MPPED2: variants seen among roughly 807,000 people sequenced by gnomAD.
MPPED2 encodes metallophosphoesterase MPPED2.
MPPED2 carries 5 observed loss-of-function variants against 33.0 expected under a neutral mutation model. That is an observed-to-expected ratio of 0.15 (90% confidence interval 0.08 to 0.32). The LOEUF (loss-of-function observed/expected upper bound fraction) is 0.32, where lower values mean the gene tolerates loss of function less well. Ranked by LOEUF, MPPED2 falls within the 10% of genes least tolerant of loss-of-function variation. MPPED2 has a pLI of 1.00. For synonymous variants in MPPED2, 136 were observed against 141.9 expected, an observed-to-expected ratio of 0.96 and a Z score of 0.29; for missense variants, 275 against 372.1, an observed-to-expected ratio of 0.74 and a Z score of 2.15.
chr11:30,420,288 A>C (rs968237588), intron 4 of MPPED2, among the ~76,000 whole-genome samples: 2 of 152,192 alleles, frequency 1.3e-5, no homozygotes, highest in Non-Finnish European at 2.9e-5. Context: ...TGAACACAGA[A>C]GAAGGAGACT....
At chr11:30,513,461 A>G (rs1470763839) in intron 3 of MPPED2, among the ~76,000 whole-genome samples, 1 of 152,232 alleles carries the variant, frequency 6.6e-6, no homozygotes, top group African/African-American at 2.4e-5. Context: ...GTGACAGATA[A>G]TTAGCTTGAA....
chr11:30,488,501 A>G (rs1951835513), intron 4 of MPPED2, among the ~76,000 whole-genome samples: 2 of 152,248 alleles, frequency 1.3e-5, no homozygotes, highest in African/African-American at 4.8e-5. Context: ...CAGAGCTGGC[A>G]GAAAGGGACG....
chr11:30,433,599 A>G (rs1393646316), intron 4 of MPPED2, among the ~76,000 whole-genome samples: 1 of 152,170 alleles, frequency 6.6e-6, no homozygotes, highest in Admixed American at 6.5e-5. Flanking sequence ...TTTAGGAAAC[A>G]TTATCCAAAG....
intron 3 of MPPED2, among the ~76,000 whole-genome samples, chr11:30,507,726 G>T (rs949194502): frequency 1.3e-5 from 2 of 152,132 alleles, no homozygotes; most frequent in Non-Finnish European, 2.9e-5. Flanking sequence ...TTCCTGGGGG[G>T]TGTGAAATCA....
chr11:30,406,889 A>G (rs1947998431), downstream of MPPED2, among the ~76,000 whole-genome samples: 1 of 152,226 alleles, frequency 6.6e-6, no homozygotes, highest in South Asian at 2.1e-4. Flanking sequence ...TTACACAGAA[A>G]GCATCTTAAA....
intron 3 of MPPED2, among the ~76,000 whole-genome samples, chr11:30,535,647 GA>G (rs1364312407): frequency 6.6e-6 from 1 of 151,856 alleles, no homozygotes; most frequent in Non-Finnish European, 1.5e-5. Context: ...AATATCTGGG[GA>G]AAAAAAGATT....
At chr11:30,467,262 G>A (rs1181432875) in intron 4 of MPPED2, among the ~76,000 whole-genome samples, 1 of 152,146 alleles carries the variant, frequency 6.6e-6, no homozygotes, top group East Asian at 1.9e-4. Context: ...TCCAGACACA[G>A]TCAAGATTAA....
intron 2 of MPPED2, among the ~76,000 whole-genome samples, chr11:30,537,683 G>T (rs374481793): frequency 6.6e-6 from 1 of 152,114 alleles, no homozygotes; most frequent in East Asian, 1.9e-4. Flanking sequence ...AGGAGAGTAG[G>T]GAGGAAGGAA....
intron 4 of MPPED2, among the ~76,000 whole-genome samples, chr11:30,470,908 T>C (rs1950920092): frequency 6.6e-6 from 1 of 152,124 alleles, no homozygotes; most frequent in African/African-American, 2.4e-5. Flanking sequence ...TCCATAAATA[T>C]ACCTCCACAG....
At chr11:30,396,741 C>T (rs886325048) in intron 6 of MPPED2, among the ~76,000 whole-genome samples, 13 of 152,040 alleles carry the variant, frequency 8.6e-5, no homozygotes, top group African/African-American at 3.1e-4. Context: ...AATAGTAATG[C>T]ATACACATGC....
At chr11:30,477,577 T>G (rs753105723) in intron 4 of MPPED2, among the ~76,000 whole-genome samples, 5 of 152,122 alleles carry the variant, frequency 3.3e-5, no homozygotes, top group Non-Finnish European at 7.4e-5. Context: ...TTGATCATAA[T>G]CTATTAACCT....
intron 2 of MPPED2, among the ~76,000 whole-genome samples, chr11:30,569,883 G>A (rs1199821708): frequency 1.3e-5 from 2 of 152,068 alleles, no homozygotes; most frequent in Admixed American, 6.6e-5. Flanking sequence ...TGAAGTCTAG[G>A]GATGCTGACC....
intron 4 of MPPED2, among the ~76,000 whole-genome samples, chr11:30,447,702 CAG>C (rs1949871836): frequency 6.6e-6 from 1 of 152,286 alleles, no homozygotes; most frequent in East Asian, 1.9e-4. Context: ...CGCAGTTAAA[CAG>C]GGGCAAGTAA....
At chr11:30,569,772 T>C (rs547065418) in intron 2 of MPPED2, among the ~76,000 whole-genome samples, 211 of 152,180 alleles carry the variant, frequency 1.4e-3, no homozygotes, top group Non-Finnish European at 2.5e-3. Context: ...TATCAAAAGT[T>C]GCTATCCTGA....
chr11:30,501,987 T>C (rs1185247407), intron 3 of MPPED2, among the ~76,000 whole-genome samples: 3 of 152,154 alleles, frequency 2.0e-5, no homozygotes, highest in Non-Finnish European at 2.9e-5. Context: ...CGACCTTCTC[T>C]GAGGTTCACC....
At chr11:30,431,714 GTTGTTTTCTGTT>G (rs1949085465) in intron 4 of MPPED2, among the ~76,000 whole-genome samples, 2 of 152,082 alleles carry the variant, frequency 1.3e-5, no homozygotes, top group African/African-American at 4.8e-5. Context: ...TTTCTTCTGT[GTTGTTTTCTGTT>G]TTGTTTTGTT....
intron 5 of MPPED2, among the ~76,000 whole-genome samples, chr11:30,415,936 C>A (rs1948333751): frequency 6.6e-6 from 1 of 152,228 alleles, no homozygotes; most frequent in African/African-American, 2.4e-5. Context: ...CATGCCTGCA[C>A]CCAATTAGGC....
At chr11:30,431,818 G>A (rs1276527102) in intron 4 of MPPED2, among the ~76,000 whole-genome samples, 1 of 152,076 alleles carries the variant, frequency 6.6e-6, no homozygotes, top group African/African-American at 2.4e-5. Context: ...AATTATTTAG[G>A]TCCTCTGTCG....
Position 30,414,318 on chromosome 11 carries a change from C to G in MPPED2, c.676G>C (p.Glu226Gln). The change falls in exon 6 of 7, where the codon GAG (glutamate) becomes CAG (glutamine). Residue 226 changes from glutamate to glutamine, a missense_variant. Physicochemically the swap from Glu to Gln is conservative, Grantham distance 29. Transcript: ENST00000358117. ...PLGFRDWVPK[E>Q]LQRVGCVELL... The stretch of plus-strand genomic sequence containing the variant: ...TCCACACAGCCCACTCTTTGAAGCT[C>G]CTTTGGAACCCAGTCTCGAAAACCT... 3 of 1,613,802 alleles carry G rather than the reference C, an allele frequency of 1.9e-6. No homozygotes were observed. Among genetic ancestry groups the G allele is most frequent in the South Asian group, 2.2e-5 (2 of 91,048 alleles).
Sources: allele counts gnomAD v4.1 joint callset (sites outside exome capture counted in the v4.1 genomes callset), GRCh38; gene constraint gnomAD v4.1.1; transcripts MANE v1.5; gene names NCBI Gene and HGNC (gene_info 2026-07-23, HGNC 2026-07-21).